Variants in ANO2 observed in about 807,000 individuals in gnomAD.
The protein encoded by ANO2 is anoctamin 2.
In ANO2, 101 loss-of-function variants were observed where a neutral mutation model predicts 124.2. That is an observed-to-expected ratio of 0.81 (90% CI 0.69 to 0.96). ANO2 has a LOEUF of 0.96. Ranked by LOEUF, ANO2 falls within the 40% of genes least tolerant of loss-of-function variation. The probability of loss-of-function intolerance (pLI) is 0.00; values close to 1 mark genes in which losing one functional copy is unlikely to be tolerated. For missense variants in ANO2, 1,293 were observed against 1,274.5 expected (o/e 1.01, Z -0.22); for synonymous variants, 486 against 482.5 (o/e 1.01, Z -0.09).
At chr12:5,772,951 C>T (rs1284495164) in intron 10 of ANO2, among the ~76,000 whole-genome samples, 1 of 152,236 alleles carries the variant, frequency 6.6e-6, no homozygotes, top group East Asian at 1.9e-4. Flanking sequence ...TCCACCTGGC[C>T]TGTGCCCCAG....
rs921093452 is a variant in ANO2 at position 5,636,679 on chromosome 12, G to C, written c.1621-1332C>G. ...GCACAGGGAGGGAGGCAGGAAGGAG[G>C]GGGTAAGAGGAGGGGAGGAGAGGCA... On this transcript the variant is annotated intron_variant, in intron 15 of 24. Coordinates refer to ENST00000682330, the MANE Select transcript of ANO2 (RefSeq NM_001364791.2). The surrounding 1 kb of genome is among the most constrained non-coding windows in gnomAD (Gnocchi z 4.6). 6.6e-6 allele frequency among the ~76,000 whole-genome samples: 1 copy of C among 151,228 alleles called. No individual in the cohort carries two copies. The highest frequency in any genetic ancestry group is 2.4e-5 in the African/African-American group (1 of 41,102).
chr12:5,742,879 C>A (rs558539239), intron 12 of ANO2, among the ~76,000 whole-genome samples: 2 of 152,064 alleles, frequency 1.3e-5, no homozygotes, highest in South Asian at 2.1e-4. Context: ...TTCTACCAAC[C>A]CTGCCTGTGA....
At chr12:5,890,651 T>C (rs1383797497) in intron 3 of ANO2, among the ~76,000 whole-genome samples, 3 of 152,180 alleles carry the variant, frequency 2.0e-5, no homozygotes, top group Non-Finnish European at 4.4e-5. Flanking sequence ...CATAAAGGCA[T>C]GCATAGGAAA....
chr12:5,846,600 C>G (rs796187016), intron 4 of ANO2, among the ~76,000 whole-genome samples: 3 of 152,286 alleles, frequency 2.0e-5, no homozygotes, highest in African/African-American at 4.8e-5. Context: ...AGCCTGAAAT[C>G]AAGGTATCAG....
intron 14 of ANO2, among the ~76,000 whole-genome samples, chr12:5,678,498 G>A (rs1163029983): frequency 5.3e-5 from 8 of 152,146 alleles, no homozygotes. Context: ...CACATTTGGG[G>A]CCACAGTTTT....
intron 6 of ANO2, among the ~76,000 whole-genome samples, 152 bp from the exon 7 acceptor site, chr12:5,827,972 A>C (rs949224761): frequency 6.6e-6 from 1 of 152,162 alleles, no homozygotes; most frequent in Admixed American, 6.5e-5. Flanking sequence ...CATGGCCCGC[A>C]CATCAACCCC....
Position 5,738,018 on chromosome 12 carries a change from G to A in ANO2, c.1434+1299C>T, listed in dbSNP as rs2137074525. Among the ~76,000 whole-genome samples, 4 of 152,306 alleles carry A rather than the reference G, an allele frequency of 2.6e-5. 1 individual carries two copies. In the East Asian group the frequency reaches 7.7e-4, roughly 29 times the overall value. ...ATATATGGTAATGCAGTGGGGTGGAGTGGGATGGGGATGCAATTAAGTGAG... is the reference window on the plus strand; with the variant it reads ...ATATATGGTAATGCAGTGGGGTGGAATGGGATGGGGATGCAATTAAGTGAG... On this transcript the variant is annotated intron_variant, in intron 13 of 24. Transcript: ENST00000682330.
At chr12:5,564,806 C>T (rs1336304629) in intron 24 of ANO2, among the ~76,000 whole-genome samples, 7 of 152,132 alleles carry the variant, frequency 4.6e-5, no homozygotes, top group South Asian at 2.1e-4. Context: ...AAAGACTAGC[C>T]GATGGGCTTC....
Position 5,686,609 on chromosome 12 carries a change from T to C in ANO2, c.1546-38808A>G, listed in dbSNP as rs534373022. ...TCCCAGTGAAAGTGTGGGGACATGT[T>C]AAGAGAAGGCTGGAGGGGCCTTTAC... On this transcript the variant is annotated intron_variant, in intron 14 of 24. Transcript: ENST00000682330. Among the ~76,000 whole-genome samples, 5 of 152,284 alleles carry C rather than the reference T, an allele frequency of 3.3e-5. No homozygotes were observed. The South Asian group carries it at 1.0e-3, about 32-fold the overall frequency.
chr12:5,818,488 T>TATATAC, intron 7 of ANO2, among the ~76,000 whole-genome samples: 1 of 104,426 alleles, frequency 9.6e-6, no homozygotes, highest in African/African-American at 3.6e-5. Context: ...TATATATATA[T>TATATAC]ATATATGGAT....
chr12:5,632,885 C>T (rs1479398255), intron 16 of ANO2, among the ~76,000 whole-genome samples: 1 of 152,180 alleles, frequency 6.6e-6, no homozygotes, highest in African/African-American at 2.4e-5. Context: ...TGCCCGCACA[C>T]TCAGCAATAC....
intron 1 of ANO2, among the ~76,000 whole-genome samples, chr12:5,940,489 T>C (rs1942852515): frequency 6.6e-6 from 1 of 152,156 alleles, no homozygotes; most frequent in African/African-American, 2.4e-5. Flanking sequence ...TAAGCATGCT[T>C]GGGGATTTGC....
At chr12:5,602,789 T>C (rs1591710045) in intron 19 of ANO2, among the ~76,000 whole-genome samples, 1 of 151,698 alleles carries the variant, frequency 6.6e-6, no homozygotes, top group East Asian at 1.9e-4. Context: ...GAAACAAACA[T>C]AGATCCTCTA....
chr12:5,657,129 A>T (rs1370908023), intron 14 of ANO2, among the ~76,000 whole-genome samples: 1 of 152,212 alleles, frequency 6.6e-6, no homozygotes, highest in Non-Finnish European at 1.5e-5. Flanking sequence ...GGGCAGCTTA[A>T]ATTGCATGAC....
At position 5,769,377 on chromosome 12, in the gene ANO2, C is replaced by A. The variant is rs1037523574; in HGVS notation, c.1056-18407G>T. ...CAGAGGAGCAAACAGGCCCAAAGAC[C>A]AAGAAAGAGAGCCAGGGGCCAGACG... On this transcript the variant is annotated intron_variant, in intron 10 of 24. Coordinates refer to ENST00000682330, the MANE Select transcript of ANO2 (RefSeq NM_001364791.2). The surrounding 1 kb of genome is among the most constrained non-coding windows in gnomAD (Gnocchi z 4.0). 4.6e-5 allele frequency among the ~76,000 whole-genome samples: 7 copies of A among 152,012 alleles called. No homozygotes were observed. The highest frequency in any genetic ancestry group is 1.7e-4 in the African/African-American group (7 of 41,362).
chr12:5,913,103 A>G (rs1167712580), intron 3 of ANO2, among the ~76,000 whole-genome samples: 1 of 152,164 alleles, frequency 6.6e-6, no homozygotes, highest in African/African-American at 2.4e-5. Flanking sequence ...CCCTCTGTGG[A>G]TGTCCAAGAC....
chr12:5,576,802 G>C (rs1330285782), intron 22 of ANO2, among the ~76,000 whole-genome samples: 1 of 152,230 alleles, frequency 6.6e-6, no homozygotes, highest in African/African-American at 2.4e-5. Flanking sequence ...CCAAAATGTA[G>C]TTCAGATATT....
chr12:5,817,454 T>C (rs1433998724), intron 7 of ANO2, among the ~76,000 whole-genome samples: 1 of 152,176 alleles, frequency 6.6e-6, no homozygotes, highest in Admixed American at 6.5e-5. Context: ...CTCAGAAATA[T>C]CTCAAGGACT....
Position 5,921,422 on chromosome 12 carries a change from C to T in ANO2, c.208-56G>A, listed in dbSNP as rs927688513. 5 of 1,533,928 alleles carry T rather than the reference C, an allele frequency of 3.3e-6. No homozygotes were observed. The African/African-American group carries it at 6.8e-5, about 21-fold the overall frequency. On this transcript the variant is annotated intron_variant, in intron 2 of 24. Transcript: ENST00000682330. The stretch of plus-strand genomic sequence containing the variant: ...GGTCTGGTGAGTAAGGGGTGAGAAA[C>T]AGAGGAGGCTGATCTATGCTCTGGG...
Sources: allele counts gnomAD v4.1 joint callset (sites outside exome capture counted in the v4.1 genomes callset), GRCh38; gene constraint gnomAD v4.1.1; non-coding constraint Gnocchi (gnomAD v3.1); transcripts MANE v1.5; gene names NCBI Gene and HGNC (gene_info 2026-07-23, HGNC 2026-07-21).